ADARB2: variants seen among roughly 807,000 people sequenced by gnomAD.
The protein encoded by ADARB2 is inactive double-stranded RNA-specific editase B2.
ADARB2 carries 25 observed loss-of-function variants against 62.2 expected under a neutral mutation model. The observed-to-expected ratio is 0.40, with a 90% CI of 0.29 to 0.56. The LOEUF (loss-of-function observed/expected upper bound fraction) is 0.56, where lower values mean the gene tolerates loss of function less well. ADARB2 is among the 20% of genes least tolerant of loss of function. The probability of loss-of-function intolerance (pLI) is 0.43; values close to 1 mark genes in which losing one functional copy is unlikely to be tolerated. For synonymous variants in ADARB2, 572 were observed against 500.8 expected (o/e 1.14, Z -1.90); for missense variants, 1,071 against 1,077.4 (o/e 0.99, Z 0.08).
chr10:1,708,301 C>T (rs1447876962), intron 1 of ADARB2, among the ~76,000 whole-genome samples: 1 of 152,132 alleles, frequency 6.6e-6, no homozygotes, highest in Non-Finnish European at 1.5e-5. Flanking sequence ...CCTGGGCTCC[C>T]AACGCCAGGG....
At chr10:1,490,420 G>A (rs1421590194) in intron 1 of ADARB2, among the ~76,000 whole-genome samples, 1 of 152,060 alleles carries the variant, frequency 6.6e-6, no homozygotes, top group Non-Finnish European at 1.5e-5. Flanking sequence ...AATCCTCTGA[G>A]GTTTCTTTTA....
chr10:1,391,729 TAATAA>T (rs1279644728), intron 1 of ADARB2, among the ~76,000 whole-genome samples: 1 of 151,084 alleles, frequency 6.6e-6, no homozygotes, highest in African/African-American at 2.4e-5. Flanking sequence ...ATAAAAATGA[TAATAA>T]AATGATAACT....
chr10:1,467,053 T>C (rs1366046165), intron 1 of ADARB2, among the ~76,000 whole-genome samples: 1 of 152,034 alleles, frequency 6.6e-6, no homozygotes, highest in Non-Finnish European at 1.5e-5. Flanking sequence ...CATCTCTCTC[T>C]CTCTCTCTCG....
rs1834500542 is a variant in ADARB2, at chr10:1,678,783, G to C, written c.100+58268C>G. ...GCCCCTTCCCTTCCACATCTCGGCT[G>C]TTCCAACACCGAGAAGCTGCTTTCG... On this transcript the variant is annotated intron_variant, in intron 1 of 9. Coordinates refer to ENST00000381312, the MANE Select transcript of ADARB2 (RefSeq NM_018702.4). Among the ~76,000 whole-genome samples the C allele has an allele frequency of 2.0e-5, 3 of 151,952 alleles. No individual in the cohort carries two copies. The South Asian group carries it at 6.3e-4, about 32-fold the overall frequency.
chr10:1,577,420 A>G lies in ADARB2; in HGVS notation c.100+159631T>C, dbSNP rs551206963. On this transcript the variant is annotated intron_variant, in intron 1 of 9. Transcript: ENST00000381312. ...GTAAGGCCATCCAGAAGCTGCAGTG[A>G]TACCCTCATGCACACAGAAGGTGGA... Among the ~76,000 whole-genome samples, 16 of 152,366 alleles carry G rather than the reference A, an allele frequency of 1.1e-4. No individual in the cohort carries two copies. In the South Asian group the frequency reaches 3.3e-3, roughly 32 times the overall value.
At chr10:1,413,860 A>G (rs756145546) in intron 1 of ADARB2, among the ~76,000 whole-genome samples, 1 of 152,206 alleles carries the variant, frequency 6.6e-6, no homozygotes, top group Admixed American at 6.5e-5. Flanking sequence ...TGGATAGAAA[A>G]GTTTTGCGAT....
intron 3 of ADARB2, among the ~76,000 whole-genome samples, chr10:1,352,064 G>A (rs1832148309): frequency 3.3e-5 from 5 of 150,402 alleles, no homozygotes; most frequent in African/African-American, 1.2e-4. Context: ...ACACCCATCA[G>A]GCTCAGCAAA....
At chr10:1,517,133 G>C (rs1323985477) in intron 1 of ADARB2, among the ~76,000 whole-genome samples, 1 of 152,176 alleles carries the variant, frequency 6.6e-6, no homozygotes, top group Non-Finnish European at 1.5e-5. Context: ...TGCACCGAGA[G>C]TGTGAGAGAT....
chr10:1,498,616 T>G (rs1057153859), intron 1 of ADARB2, among the ~76,000 whole-genome samples: 4 of 152,160 alleles, frequency 2.6e-5, no homozygotes, highest in Admixed American at 1.3e-4. Context: ...TTTTATGTGT[T>G]CAAAATTTTA....
At chr10:1,430,706 C>G (rs1422352405) in intron 1 of ADARB2, among the ~76,000 whole-genome samples, 2 of 151,498 alleles carry the variant, frequency 1.3e-5, no homozygotes, top group African/African-American at 2.4e-5. Flanking sequence ...TGCCTCTGCA[C>G]TCCAACCTGG....
chr10:1,650,481 C>T (rs1220845705), intron 1 of ADARB2, among the ~76,000 whole-genome samples: 3 of 146,852 alleles, frequency 2.0e-5, no homozygotes, highest in South Asian at 2.3e-4. Context: ...TGGTAGGCTG[C>T]AGCCCAGACA....
intron 1 of ADARB2, among the ~76,000 whole-genome samples, chr10:1,717,156 CTTTT>C (rs397969884): frequency 1.1e-3 from 71 of 63,268 alleles, no homozygotes; most frequent in Middle Eastern, 0.014. Flanking sequence ...TTGTAGTGTG[CTTTT>C]TTTTTTTTTT....
chr10:1,672,580 T>C (rs1031009448), intron 1 of ADARB2, among the ~76,000 whole-genome samples: 3 of 141,772 alleles, frequency 2.1e-5, no homozygotes, highest in Non-Finnish European at 4.7e-5. Flanking sequence ...TGCACGCGCT[T>C]CGCCTTCCTC....
chr10:1,266,736 C>T (rs928607484), intron 4 of ADARB2, among the ~76,000 whole-genome samples: 1 of 152,190 alleles, frequency 6.6e-6, no homozygotes, highest in African/African-American at 2.4e-5. Flanking sequence ...CCACGCGAAA[C>T]AGAAAGCCAC....
intron 6 of ADARB2, among the ~76,000 whole-genome samples, chr10:1,224,910 G>C (rs1482054999): frequency 6.6e-6 from 1 of 152,192 alleles, no homozygotes; most frequent in African/African-American, 2.4e-5. Context: ...GGGGTGGAGA[G>C]TTCTGTAGAT....
chr10:1,359,959 G>A (rs1406778883), intron 3 of ADARB2, among the ~76,000 whole-genome samples: 1 of 152,236 alleles, frequency 6.6e-6, no homozygotes, highest in Non-Finnish European at 1.5e-5. Context: ...TACTTAATGA[G>A]AAGACTTCCC....
At chr10:1,198,857 T>C (rs1193942803) in intron 8 of ADARB2, among the ~76,000 whole-genome samples, 1 of 152,254 alleles carries the variant, frequency 6.6e-6, no homozygotes, top group East Asian at 1.9e-4. Flanking sequence ...GACATGCCAG[T>C]GCCCAGGGAG....
Position 1,178,897 on chromosome 10 carries a change from A to G in ADARB2, c.*4296T>C, listed in dbSNP as rs1836625501. The stretch of plus-strand genomic sequence containing the variant: ...GAGGCGGCTGCAGCGATCCAACGGT[A>G]GTACATAAAAGGAAAGCCTCTCAGC... On this transcript the variant is annotated 3_prime_UTR_variant, in exon 10 of 10. Coordinates refer to ENST00000381312, the MANE Select transcript of ADARB2 (RefSeq NM_018702.4). 1 of 152,202 alleles carries G rather than the reference A, an allele frequency of 6.6e-6. No individual in the cohort carries two copies. The highest frequency in any genetic ancestry group is 2.4e-5 in the African/African-American group (1 of 41,460). 9.4% of individuals were successfully genotyped at this position (152,202 alleles called of 1,614,324 possible).
chr10:1,450,138 A>T (rs2131901039), intron 1 of ADARB2, among the ~76,000 whole-genome samples: 1 of 152,220 alleles, frequency 6.6e-6, no homozygotes, highest in East Asian at 1.9e-4. Context: ...TCCCGTCGAG[A>T]GGGAGCTCCC....
Sources: gnomAD v4.1 joint callset for allele counts (sites outside exome capture counted in the v4.1 genomes callset) on GRCh38, gnomAD v4.1.1 for gene constraint, MANE v1.5 for transcripts, NCBI Gene and HGNC (gene_info 2026-07-23, HGNC 2026-07-21) for gene names.